Variants in CNTN4 observed in about 807,000 individuals in gnomAD.
CNTN4 encodes the protein contactin-4.
CNTN4 carries 77 observed loss-of-function variants against 122.5 expected under a neutral mutation model. The ratio of observed to expected loss-of-function variants is 0.63; its 90% CI spans 0.52 to 0.76. CNTN4 has a LOEUF of 0.76. Among genes scored for constraint, CNTN4 ranks in the 30% least tolerant of loss-of-function variants. CNTN4 has a pLI of 0.00. For missense variants in CNTN4, 1,256 were observed against 1,259.1 expected, an observed-to-expected ratio of 1.00 and a Z score of 0.04; for synonymous variants, 512 against 447.0, an observed-to-expected ratio of 1.15 and a Z score of -1.83.
intron 6 of CNTN4, among the ~76,000 whole-genome samples, chr3:2,811,581 G>A (rs202164285): frequency 7.3e-5 from 11 of 150,828 alleles, no homozygotes; most frequent in East Asian, 2.0e-4. Context: ...CTGCCTCAGC[G>A]TCCCGAGTAG....
chr3:2,935,838 A>C lies in CNTN4; in HGVS notation c.1358+10059A>C, dbSNP rs1401838585. Among the ~76,000 whole-genome samples the C allele has an allele frequency of 2.0e-5, 3 of 152,212 alleles. No individual in the cohort carries two copies. The South Asian group carries it at 6.2e-4, about 31-fold the overall frequency. ...CCCCAGTTCCTTGTGCTATACCTAG[A>C]GTAGAATAGACACTAATGTTCTTGT... On this transcript the variant is annotated intron_variant, in intron 13 of 24. Coordinates refer to ENST00000418658, the MANE Select transcript of CNTN4 (RefSeq NM_175607.3).
At chr3:3,030,816 T>G (rs1484474612) in intron 15 of CNTN4, 39 bp from the exon 16 acceptor site, 1 of 1,611,416 alleles carries the variant, frequency 6.2e-7, no homozygotes, top group Non-Finnish European at 8.5e-7. Context: ...TTAGAGCTCA[T>G]TAAAAAGTAA....
chr3:2,638,056 A>G (rs775104913), intron 4 of CNTN4, among the ~76,000 whole-genome samples: 6 of 152,218 alleles, frequency 3.9e-5, no homozygotes, highest in African/African-American at 4.8e-5. Flanking sequence ...AATGAGTTAC[A>G]TGTATAAACT....
chr3:2,119,362 T>C, intron 2 of CNTN4, among the ~76,000 whole-genome samples: 1 of 152,252 alleles, frequency 6.6e-6, no homozygotes, highest in East Asian at 1.9e-4. Flanking sequence ...CCCTGACTAC[T>C]ACACCAATAT....
chr3:2,195,166 A>G (rs1456571084), intron 2 of CNTN4, among the ~76,000 whole-genome samples: 1 of 152,176 alleles, frequency 6.6e-6, no homozygotes, highest in Non-Finnish European at 1.5e-5. Context: ...AAGTGAGATC[A>G]TACAGTATTT....
At chr3:2,850,066 T>G (rs2093523142) in intron 7 of CNTN4, among the ~76,000 whole-genome samples, 1 of 150,040 alleles carries the variant, frequency 6.7e-6, no homozygotes, top group Non-Finnish European at 1.5e-5. Context: ...CTCAGCTCAC[T>G]GCAAGCTCCA....
Position 2,887,101 on chromosome 3 carries a change from A to G in CNTN4, c.817A>G (p.Arg273Gly). The change falls in exon 10 of 25, where the codon AGA becomes GGA. Residue 273 changes from arginine to glycine, a missense_variant. Arg to Gly is a moderately radical substitution (Grantham distance 125, BLOSUM62 -2). Coordinates refer to ENST00000418658, the MANE Select transcript of CNTN4 (RefSeq NM_175607.3). ...DGKPIARKAR[R>G]HKSNGILEIP... Reference sequence around the variant, plus strand: ...AAAGCCAATAGCAAGGAAAGCCAGAAGACACAAGTCAAATGGAATTCTTGA... The same window carrying G: ...AAAGCCAATAGCAAGGAAAGCCAGAGGACACAAGTCAAATGGAATTCTTGA... The G allele has an allele frequency of 6.2e-7, 1 of 1,614,186 alleles. No homozygotes were observed. Among genetic ancestry groups the G allele is most frequent in the South Asian group, 1.1e-5 (1 of 91,084 alleles).
intron 4 of CNTN4, among the ~76,000 whole-genome samples, chr3:2,695,446 A>G (rs1024751729): frequency 1.3e-5 from 2 of 152,236 alleles, no homozygotes; most frequent in Admixed American, 1.3e-4. Context: ...GACCAAGTAT[A>G]TAGAACTCAA....
Position 2,684,986 on chromosome 3 carries a change from A to C in CNTN4, c.56-51229A>C, listed in dbSNP as rs1453006460. ...ATACTTATCTGAACTTGTGAAACGTAAAGATTACATTCTTGTGAAATGAAA... is the reference window on the plus strand; with the variant it reads ...ATACTTATCTGAACTTGTGAAACGTCAAGATTACATTCTTGTGAAATGAAA... On this transcript the variant is annotated intron_variant, in intron 4 of 24. Coordinates refer to ENST00000418658, the MANE Select transcript of CNTN4 (RefSeq NM_175607.3). Among the ~76,000 whole-genome samples the C allele has an allele frequency of 2.0e-5, 3 of 152,230 alleles. No individual in the cohort carries two copies. In the East Asian group the frequency reaches 5.8e-4, roughly 29 times the overall value.
At chr3:2,251,286 T>G (rs2040369013) in intron 2 of CNTN4, among the ~76,000 whole-genome samples, 1 of 151,916 alleles carries the variant, frequency 6.6e-6, no homozygotes, top group African/African-American at 2.4e-5. Context: ...TCCACTGATG[T>G]TATATTCCCA....
At chr3:2,178,015 C>A (rs1575010977) in intron 2 of CNTN4, among the ~76,000 whole-genome samples, 1 of 152,082 alleles carries the variant, frequency 6.6e-6, no homozygotes, top group African/African-American at 2.4e-5. Context: ...CCTTCAAGCC[C>A]CAGCTCATTT....
intron 20 of CNTN4, chr3:3,040,500 G>A: frequency 1.8e-6 from 1 of 563,688 alleles, no homozygotes; most frequent in Non-Finnish European, 3.2e-6. Context: ...TGATTCCATT[G>A]CTAAGGACCA....
At chr3:2,819,935 G>A (rs571327829) in intron 7 of CNTN4, among the ~76,000 whole-genome samples, 52 of 152,286 alleles carry the variant, frequency 3.4e-4, no homozygotes, top group African/African-American at 1.1e-3. Context: ...CTCCTGGTTG[G>A]TCTGGGAACT....
intron 2 of CNTN4, among the ~76,000 whole-genome samples, chr3:2,129,873 T>A (rs564672013): frequency 1.3e-5 from 2 of 152,134 alleles, no homozygotes; most frequent in South Asian, 4.1e-4. Context: ...ATTGGTGGCT[T>A]TGTTAATGAA....
intron 13 of CNTN4, among the ~76,000 whole-genome samples, chr3:2,932,902 G>A (rs1031884495): frequency 7.9e-4 from 120 of 151,982 alleles, no homozygotes; most frequent in Middle Eastern, 3.4e-3. Context: ...GGCTCCCTGC[G>A]AGCTCCGCCT....
At chr3:2,442,334 A>G (rs995289919) in intron 3 of CNTN4, among the ~76,000 whole-genome samples, 1 of 152,190 alleles carries the variant, frequency 6.6e-6, no homozygotes, top group African/African-American at 2.4e-5. Context: ...ACACATTATT[A>G]TGGGAACTGT....
chr3:2,428,656 C>T (rs1161077553), intron 3 of CNTN4, among the ~76,000 whole-genome samples: 2 of 152,186 alleles, frequency 1.3e-5, no homozygotes, highest in Non-Finnish European at 2.9e-5. Flanking sequence ...AGATAATATC[C>T]TGCAGAGTGG....
chr3:2,870,518 T>G lies in CNTN4; in HGVS notation c.652+3569T>G, dbSNP rs924179014. 3.9e-5 allele frequency among the ~76,000 whole-genome samples: 6 copies of G among 152,174 alleles called. No individual in the cohort carries two copies. The East Asian group carries it at 1.2e-3, about 29-fold the overall frequency. Reference sequence around the variant, plus strand: ...AGATTGCAAAATAAAGAGGACATTCTTGTTAAAATCTATTCTGTGACAGTA... The same window carrying G: ...AGATTGCAAAATAAAGAGGACATTCGTGTTAAAATCTATTCTGTGACAGTA... On this transcript the variant is annotated intron_variant, in intron 8 of 24. Transcript: ENST00000418658.
intron 3 of CNTN4, among the ~76,000 whole-genome samples, chr3:2,359,787 C>A (rs1351786359): frequency 6.6e-6 from 1 of 152,174 alleles, no homozygotes; most frequent in Non-Finnish European, 1.5e-5. Flanking sequence ...GATCCACCCG[C>A]CTCGGCCTCC....
Sources: allele counts gnomAD v4.1 joint callset (sites outside exome capture counted in the v4.1 genomes callset), GRCh38; gene constraint gnomAD v4.1.1; transcripts MANE v1.5; gene names NCBI Gene and HGNC (gene_info 2026-07-23, HGNC 2026-07-21).